GABPB1: variants seen among roughly 807,000 people sequenced by gnomAD.
GABPB1 encodes the protein GA-binding protein subunit beta-1.
GABPB1 carries 15 observed loss-of-function variants against 45.9 expected under a neutral mutation model. That is an observed-to-expected ratio of 0.33 (90% CI 0.22 to 0.50). The LOEUF (loss-of-function observed/expected upper bound fraction) is 0.50. Among genes scored for constraint, GABPB1 ranks in the 20% least tolerant of loss-of-function variants. The pLI is 0.98. For missense variants in GABPB1, 252 were observed against 457.5 expected (o/e 0.55, Z 4.10); for synonymous variants, 143 against 154.4 (o/e 0.93, Z 0.55).
chr15:50,300,972 T>C (rs2046721072), intron 5 of GABPB1, 70 bp from the exon 6 acceptor site: 1 of 988,722 alleles, frequency 1.0e-6, no homozygotes. Context: ...TGATATTCTA[T>C]TTATCTTACT....
chr15:50,317,948 T>C (rs1160911683), intron 1 of GABPB1, among the ~76,000 whole-genome samples: 3 of 152,028 alleles, frequency 2.0e-5, no homozygotes, highest in Admixed American at 1.3e-4. Context: ...GCATTTTTCA[T>C]AGTAAAAGTA....
At chr15:50,334,439 G>C (rs2048046595) in intron 1 of GABPB1, among the ~76,000 whole-genome samples, 1 of 149,336 alleles carries the variant, frequency 6.7e-6, no homozygotes, top group African/African-American at 2.5e-5. Flanking sequence ...TTTCTGATGT[G>C]TCCAATCTGC....
chr15:50,320,441 T>A (rs947356309), intron 1 of GABPB1, among the ~76,000 whole-genome samples: 1 of 152,230 alleles, frequency 6.6e-6, no homozygotes, highest in African/African-American at 2.4e-5. Flanking sequence ...GTGCTGGGAT[T>A]ACAGGCGTGA....
chr15:50,306,928 GA>G (rs779055527), intron 2 of GABPB1, among the ~76,000 whole-genome samples: 6 of 151,890 alleles, frequency 4.0e-5, no homozygotes, highest in Non-Finnish European at 8.8e-5. Flanking sequence ...ATATTCCATT[GA>G]ATGAGTAAAC....
chr15:50,354,154 GAAACACACT>G (rs2048980124), intron 1 of GABPB1: 1 of 311,990 alleles, frequency 3.2e-6, no homozygotes, highest in Middle Eastern at 4.3e-4. Flanking sequence ...GAGCTTCACC[GAAACACACT>G]AAACACACAG....
Position 50,278,548 on chromosome 15 carries a change from C to A in GABPB1, c.*84G>T. The A allele has an allele frequency of 9.2e-7, 1 of 1,090,338 alleles. No individual in the cohort carries two copies. The allele number at this position is 1,090,338 out of a possible 1,614,324, so 67.5% of individuals were successfully genotyped here. A position where few individuals can be genotyped will look rare whatever the true frequency, so the allele number is the denominator to read the frequency against. On this transcript the variant is annotated 3_prime_UTR_variant, in exon 9 of 9. Transcript: ENST00000380877. ...TAGTCTCTTCTATCATTCTGTATTC[C>A]CATGGCTGTACCTTTGTTGTGTACA... is the stretch of plus-strand genomic sequence containing the variant.
At chr15:50,349,609 G>C (rs1336071622) in intron 1 of GABPB1, 3 of 152,148 alleles carry the variant, frequency 2.0e-5, no homozygotes, top group Admixed American at 2.0e-4. Context: ...GATTATGGTA[G>C]GGTGGTAGGA....
intron 2 of GABPB1, 108 bp downstream of exon 2, chr15:50,309,583 A>C (rs1370988722): frequency 1.5e-6 from 1 of 660,888 alleles, no homozygotes; most frequent in Non-Finnish European, 2.7e-6. Flanking sequence ...CATTTGCAAA[A>C]ATAATAACTT....
intron 4 of GABPB1, among the ~76,000 whole-genome samples, chr15:50,302,661 AAAAAAAAAGGTCT>A (rs2046798992): frequency 7.2e-6 from 1 of 138,778 alleles, no homozygotes; most frequent in African/African-American, 2.7e-5. Context: ...AAAAAAAAAA[AAAAAAAAAGGTCT>A]AAAGGGAAAT....
intron 1 of GABPB1, among the ~76,000 whole-genome samples, chr15:50,325,534 T>G (rs1183158627): frequency 8.5e-5 from 13 of 152,264 alleles, no homozygotes; most frequent in South Asian, 6.2e-4. Flanking sequence ...AACTTTTTTT[T>G]TTGTTTTTTT....
At chr15:50,324,448 T>C (rs1595806460) in intron 1 of GABPB1, among the ~76,000 whole-genome samples, 1 of 151,552 alleles carries the variant, frequency 6.6e-6, no homozygotes, top group African/African-American at 2.4e-5. Flanking sequence ...CCAAAGCTAG[T>C]AGGTGAGAAA....
At chr15:50,279,703 G>A (rs2045916032) in intron 8 of GABPB1, among the ~76,000 whole-genome samples, 1 of 152,170 alleles carries the variant, frequency 6.6e-6, no homozygotes, top group Non-Finnish European at 1.5e-5. Context: ...CAAAGCTCAA[G>A]GGTAGTTTCC....
chr15:50,279,474 A>G (rs1473498067), intron 8 of GABPB1, among the ~76,000 whole-genome samples: 1 of 106,712 alleles, frequency 9.4e-6, no homozygotes, highest in East Asian at 2.0e-4. Context: ...CTAAATTATC[A>G]ATGATTAAAT....
intron 1 of GABPB1, among the ~76,000 whole-genome samples, chr15:50,336,312 C>A (rs1271671494): frequency 6.6e-6 from 1 of 150,390 alleles, no homozygotes; most frequent in Non-Finnish European, 1.5e-5. Context: ...CAAGATCACA[C>A]CACTGCACTC....
intron 8 of GABPB1, among the ~76,000 whole-genome samples, chr15:50,279,619 A>C (rs1043736344): frequency 6.6e-6 from 1 of 152,186 alleles, no homozygotes; most frequent in Non-Finnish European, 1.5e-5. Context: ...AGGAAAAACA[A>C]GGAGAAACAT....
intron 1 of GABPB1, among the ~76,000 whole-genome samples, chr15:50,310,754 G>T (rs1190456667): frequency 6.6e-6 from 1 of 152,120 alleles, no homozygotes; most frequent in African/African-American, 2.4e-5. Flanking sequence ...TGAGGCAGGT[G>T]GATCCTTGAG....
chr15:50,315,342 G>A (rs2047281973), intron 1 of GABPB1, among the ~76,000 whole-genome samples: 1 of 152,142 alleles, frequency 6.6e-6, no homozygotes, highest in Non-Finnish European at 1.5e-5. Context: ...ATGTTGCCCA[G>A]GCTGGTCTTG....
At chr15:50,305,259 TAAAGG>T (rs2046901719) in intron 2 of GABPB1, among the ~76,000 whole-genome samples, 2 of 152,054 alleles carry the variant, frequency 1.3e-5, no homozygotes, top group Admixed American at 6.6e-5. Context: ...GATATATGTA[TAAAGG>T]TCCTTAGTCC....
In GABPB1 at chr15:50,300,800, G is replaced by A; in HGVS notation, c.686C>T (p.Ser229Leu). 4 of 1,604,364 alleles carry A rather than the reference G, an allele frequency of 2.5e-6. No homozygotes were observed. Among genetic ancestry groups the A allele is most frequent in the Non-Finnish European group, 3.4e-6 (4 of 1,171,142 alleles). The change falls in exon 6 of 9, where the codon TCA (serine) becomes TTA (leucine). Residue 229 changes from serine to leucine, a missense_variant. Physicochemically the swap from Ser to Leu is moderately radical, Grantham distance 145. Coordinates refer to ENST00000380877, the MANE Select transcript of GABPB1 (RefSeq NM_016654.5). ...AEASAPLSNS[S>L]ETPVVATEEV... ...CTCGTTTTTCTAACCTGGAGTTTCTGAAGAATTGGACAATGGAGCAGATGC... is the reference window on the plus strand; with the variant it reads ...CTCGTTTTTCTAACCTGGAGTTTCTAAAGAATTGGACAATGGAGCAGATGC...
Sources: gnomAD v4.1 joint callset for allele counts (sites outside exome capture counted in the v4.1 genomes callset) on GRCh38, gnomAD v4.1.1 for gene constraint, MANE v1.5 for transcripts, NCBI Gene and HGNC (gene_info 2026-07-23, HGNC 2026-07-21) for gene names.